The following LUC7L3 variants were observed in gnomAD, a reference collection of about 807,000 sequenced individuals.
LUC7L3 encodes the protein LUC7 like 3 pre-mRNA splicing factor.
In LUC7L3, 6 loss-of-function variants were observed where a neutral mutation model predicts 66.8. The observed-to-expected ratio is 0.09, with a 90% CI of 0.05 to 0.18. The LOEUF is 0.18. Among genes scored for constraint, LUC7L3 ranks in the 10% least tolerant of loss-of-function variants. LUC7L3 has a pLI of 1.00. For synonymous variants in LUC7L3, 160 were observed against 174.7 expected, an observed-to-expected ratio of 0.92 and a Z score of 0.66; for missense variants, 341 against 531.1, an observed-to-expected ratio of 0.64 and a Z score of 3.52.
rs3214295 is a variant in LUC7L3, at chr17:50,740,237, C to CTT, written c.167-61_167-60dup. 1.4e-3 allele frequency: 1,534 copies of CTT among 1,130,818 alleles called. 1 individual carries two copies. The highest frequency in any genetic ancestry group is 1.8e-3 in the South Asian group (123 of 69,072). 70.0% of individuals were successfully genotyped at this position (1,130,818 alleles called of 1,614,324 possible). ...TTTCTTTTTAAAAAGAAAAATAACTCTTTTTTTTTGGCAAGAAAAGGTTGC... is the reference window on the plus strand; with the variant it reads ...TTTCTTTTTAAAAAGAAAAATAACTCTTTTTTTTTTTGGCAAGAAAAGGTTGC... On this transcript the variant is annotated intron_variant, in intron 2 of 9. Transcript: ENST00000505658.
At chr17:50,724,225 A>G (rs1361024067) in intron 1 of LUC7L3, 4 of 172,594 alleles carry the variant, frequency 2.3e-5, no homozygotes, top group African/African-American at 7.4e-5. Flanking sequence ...CAAGGACTTT[A>G]AAAAAAAAAC....
At chr17:50,749,688 A>G (rs967545109) in intron 9 of LUC7L3, among the ~76,000 whole-genome samples, 1 of 152,160 alleles carries the variant, frequency 6.6e-6, no homozygotes, top group South Asian at 2.1e-4. Context: ...TTTTCCAGAA[A>G]GTTTCTAGTT....
chr17:50,740,840 G>A (rs981660495), intron 3 of LUC7L3, among the ~76,000 whole-genome samples: 7 of 152,162 alleles, frequency 4.6e-5, no homozygotes, highest in African/African-American at 1.4e-4. Context: ...GATTACAGGC[G>A]TGAGCCACCA....
intron 5 of LUC7L3, among the ~76,000 whole-genome samples, chr17:50,742,682 A>G (rs913518062): frequency 2.0e-5 from 3 of 152,154 alleles, no homozygotes; most frequent in African/African-American, 7.2e-5. Flanking sequence ...AAAAGTTAAA[A>G]ATGTACCATA....
rs889114085 is a variant in LUC7L3, at chr17:50,731,213, G to A, written c.100-5747G>A. ...TGAGACAGTCTCTCTCTGTCATCCA[G>A]GCTGGAGTATAGTGGTGCGATCTCA... On this transcript the variant is annotated intron_variant, in intron 1 of 9. Coordinates refer to ENST00000505658, the MANE Select transcript of LUC7L3 (RefSeq NM_016424.5). 3.3e-5 allele frequency among the ~76,000 whole-genome samples: 5 copies of A among 152,104 alleles called. No individual in the cohort carries two copies. In the South Asian group the frequency reaches 1.0e-3, roughly 32 times the overall value.
intron 9 of LUC7L3, chr17:50,749,304 G>T (rs556997138): frequency 7.8e-7 from 1 of 1,289,318 alleles, no homozygotes; most frequent in South Asian, 1.2e-5. Context: ...CCTGTGCACC[G>T]GAGAAGCCCA....
At chr17:50,735,384 A>G (rs1471199760) in intron 1 of LUC7L3, among the ~76,000 whole-genome samples, 3 of 152,112 alleles carry the variant, frequency 2.0e-5, no homozygotes, top group Non-Finnish European at 4.4e-5. Flanking sequence ...AAAAAGGCCT[A>G]TTTCAGATTT....
At chr17:50,736,832 A>T in intron 1 of LUC7L3, 128 bp from the exon 2 acceptor site, 1 of 641,626 alleles carries the variant, frequency 1.6e-6, no homozygotes, top group Non-Finnish European at 2.7e-6. Context: ...ATGATTCAAC[A>T]AATGAAATTC....
At chr17:50,740,170 G>A (rs8080117) in intron 2 of LUC7L3, 136 bp from the exon 3 acceptor site, 2 of 662,886 alleles carry the variant, frequency 3.0e-6, no homozygotes, top group Non-Finnish European at 5.2e-6. Flanking sequence ...AGTAGGATCA[G>A]TTTAGATGTC....
chr17:50,727,528 C>G (rs992099581), intron 1 of LUC7L3, among the ~76,000 whole-genome samples: 1 of 152,104 alleles, frequency 6.6e-6, no homozygotes, highest in African/African-American at 2.4e-5. Flanking sequence ...CCCAGCCCCC[C>G]GAGTTCAAAG....
chr17:50,743,221 CAG>C (rs983251003), intron 5 of LUC7L3, among the ~76,000 whole-genome samples: 4 of 150,342 alleles, frequency 2.7e-5, no homozygotes, highest in African/African-American at 4.9e-5. Context: ...AAAAAAAAAA[CAG>C]AGTCTCACGT....
At position 50,743,897 on chromosome 17, in the gene LUC7L3, T is replaced by C. The variant is rs1037452636; in HGVS notation, c.531+87T>C. ...TTATTTGAGAACCTTTGAAAACTGA[T>C]GTTCCAAACTTAGAGTCAGCACAAT... is the stretch of plus-strand genomic sequence containing the variant. On this transcript the variant is annotated intron_variant, in intron 6 of 9. Transcript: ENST00000505658. 6 of 977,974 alleles carry C rather than the reference T, an allele frequency of 6.1e-6. No homozygotes were observed. In the African/African-American group the frequency reaches 9.8e-5, roughly 16 times the overall value. 60.6% of individuals were successfully genotyped at this position (977,974 alleles called of 1,614,324 possible).
rs930850712 is a variant in LUC7L3 at position 50,746,139 on chromosome 17, C to T, written c.977+136C>T. ...TAAGTGATAGGATGGGTTGCGAGAGCGGAATCAGTGAATAAAATAGTTCCA... is the reference window on the plus strand; with the variant it reads ...TAAGTGATAGGATGGGTTGCGAGAGTGGAATCAGTGAATAAAATAGTTCCA... On this transcript the variant is annotated intron_variant, in intron 8 of 9. Coordinates refer to ENST00000505658, the MANE Select transcript of LUC7L3 (RefSeq NM_016424.5). 2.4e-5 allele frequency: 32 copies of T among 1,312,516 alleles called. No homozygotes were observed. In the South Asian group the frequency reaches 4.8e-4, roughly 20 times the overall value. The allele number at this position is 1,312,516 out of a possible 1,614,324, so 81.3% of individuals were successfully genotyped here.
At chr17:50,743,881 A>G in intron 6 of LUC7L3, 71 bp downstream of exon 6, 2 of 1,101,716 alleles carry the variant, frequency 1.8e-6, no homozygotes, top group Non-Finnish European at 2.7e-6. Flanking sequence ...TTTATTTGAG[A>G]ACCTTTGAAA....
At chr17:50,731,232 G>A (rs1237280209) in intron 1 of LUC7L3, among the ~76,000 whole-genome samples, 2 of 152,060 alleles carry the variant, frequency 1.3e-5, no homozygotes, top group Non-Finnish European at 2.9e-5. Context: ...ATAGTGGTGC[G>A]ATCTCAGCTA....
intron 1 of LUC7L3, among the ~76,000 whole-genome samples, chr17:50,730,274 T>C (rs897377100): frequency 1.3e-5 from 2 of 152,006 alleles, no homozygotes; most frequent in African/African-American, 4.8e-5. Flanking sequence ...TTCCAGTCTA[T>C]TATCTTTATG....
chr17:50,750,508 G>A lies in LUC7L3; in HGVS notation c.1146G>A (p.Arg382=), dbSNP rs761860115. The part of the protein sequence containing the change: ...QDRKSKEKEK[R]GSDDKKSSVK... ...TGTCTTCTTTTATGGCAGAAAAGAG[G>A]GGATCTGATGATAAAAAAAGTAGTG... Residue 382 remains arginine, a synonymous_variant, in exon 10 of 10, where the codon AGG becomes AGA. Transcript: ENST00000505658. 7.4e-6 allele frequency: 12 copies of A among 1,612,238 alleles called. No homozygotes were observed. Among genetic ancestry groups the A allele is most frequent in the Non-Finnish European group, 1.0e-5 (12 of 1,179,016 alleles).
chr17:50,737,685 A>G (rs997477786), intron 2 of LUC7L3, among the ~76,000 whole-genome samples: 3 of 152,004 alleles, frequency 2.0e-5, no homozygotes, highest in Non-Finnish European at 2.9e-5. Context: ...ACACCCCAAA[A>G]TGTCTTCAGA....
chr17:50,747,945 A>G (rs1970778651), intron 9 of LUC7L3, among the ~76,000 whole-genome samples: 1 of 152,236 alleles, frequency 6.6e-6, no homozygotes, highest in Non-Finnish European at 1.5e-5. Flanking sequence ...AGAATGTTTT[A>G]CCTAATCTTT....
Sources: gnomAD v4.1 joint callset for allele counts (sites outside exome capture counted in the v4.1 genomes callset) on GRCh38, gnomAD v4.1.1 for gene constraint, MANE v1.5 for transcripts, NCBI Gene and HGNC (gene_info 2026-07-23, HGNC 2026-07-21) for gene names.